Variants in CDH9 observed in about 807,000 individuals in gnomAD.
CDH9 encodes cadherin-9.
Under a neutral mutation model 70.9 loss-of-function variants are expected in CDH9, and 28 were observed. The ratio of observed to expected loss-of-function variants is 0.40; its 90% CI spans 0.29 to 0.54. The LOEUF (loss-of-function observed/expected upper bound fraction) is 0.54, where lower values mean the gene tolerates loss of function less well. Among genes scored for constraint, CDH9 ranks in the 20% least tolerant of loss-of-function variants. The pLI, the probability that CDH9 is intolerant of heterozygous loss-of-function variation, is 0.59. For synonymous variants in CDH9, 409 were observed against 343.1 expected (o/e 1.19, Z -2.12); for missense variants, 874 against 984.4 (o/e 0.89, Z 1.50).
chr5:27,017,575 G>A (rs1404085432), intron 1 of CDH9, among the ~76,000 whole-genome samples: 2 of 151,662 alleles, frequency 1.3e-5, no homozygotes, highest in Non-Finnish European at 2.9e-5. Context: ...TAGTTCTTTA[G>A]TGTTTGTGTT....
At chr5:27,008,585 T>C (rs1052104762) in intron 1 of CDH9, among the ~76,000 whole-genome samples, 1 of 152,142 alleles carries the variant, frequency 6.6e-6, no homozygotes, top group Admixed American at 6.5e-5. Context: ...AATTATTGAT[T>C]AGGTCACAAT....
intron 2 of CDH9, among the ~76,000 whole-genome samples, chr5:26,917,361 C>T (rs1010440599): frequency 2.0e-5 from 3 of 151,616 alleles, no homozygotes; most frequent in African/African-American, 7.3e-5. Context: ...GTCTTTTGCC[C>T]TGCATGGTGA....
At chr5:26,937,843 G>A (rs1741586620) in intron 2 of CDH9, among the ~76,000 whole-genome samples, 3 of 151,928 alleles carry the variant, frequency 2.0e-5, no homozygotes, top group Non-Finnish European at 2.9e-5. Context: ...GGAATAGATG[G>A]GGTACAGGGG....
At chr5:26,913,757 T>TTGTGTGTGTG (rs5866811) in intron 3 of CDH9, among the ~76,000 whole-genome samples, 2 of 145,446 alleles carry the variant, frequency 1.4e-5, no homozygotes, top group African/African-American at 5.1e-5. Flanking sequence ...ACATATATGT[T>TTGTGTGTGTG]TGTGTGTGTG....
At chr5:26,965,653 GA>G (rs1456515993) in intron 2 of CDH9, among the ~76,000 whole-genome samples, 2 of 150,876 alleles carry the variant, frequency 1.3e-5, no homozygotes, top group Non-Finnish European at 3.0e-5. Flanking sequence ...TTATGAACAG[GA>G]AACAAAAATT....
intron 2 of CDH9, among the ~76,000 whole-genome samples, chr5:26,921,337 G>A (rs1341712073): frequency 6.6e-6 from 1 of 152,242 alleles, no homozygotes; most frequent in East Asian, 1.9e-4. Context: ...ATTCCTAAGA[G>A]ATACCAAGGC....
intron 7 of CDH9, among the ~76,000 whole-genome samples, chr5:26,896,860 A>T (rs894175609): frequency 6.6e-6 from 1 of 152,014 alleles, no homozygotes; most frequent in Non-Finnish European, 1.5e-5. Flanking sequence ...AAAACCCTCA[A>T]AAAAATCAAT....
intron 4 of CDH9, 62 bp from the exon 5 acceptor site, chr5:26,906,188 A>T: frequency 7.1e-7 from 1 of 1,406,972 alleles, no homozygotes; most frequent in East Asian, 2.3e-5. Context: ...ATTAAGCTAG[A>T]CAAGACTCAT....
intron 2 of CDH9, among the ~76,000 whole-genome samples, chr5:26,963,442 G>T (rs963573410): frequency 1.3e-4 from 19 of 151,932 alleles, no homozygotes; most frequent in Non-Finnish European, 2.4e-4. Flanking sequence ...TATCTGTTTT[G>T]GTTTATGATG....
intron 2 of CDH9, among the ~76,000 whole-genome samples, chr5:26,959,769 G>T (rs999954887): frequency 2.0e-5 from 3 of 151,972 alleles, no homozygotes; most frequent in African/African-American, 7.2e-5. Flanking sequence ...CCTAATGTAT[G>T]ATTTTTTTAT....
intron 2 of CDH9, among the ~76,000 whole-genome samples, chr5:26,978,382 A>C (rs1189406895): frequency 6.6e-6 from 1 of 151,836 alleles, no homozygotes; most frequent in Non-Finnish European, 1.5e-5. Context: ...AATTATAATA[A>C]CTGAATTAAA....
At chr5:27,016,989 G>T (rs1410716219) in intron 1 of CDH9, among the ~76,000 whole-genome samples, 1 of 151,812 alleles carries the variant, frequency 6.6e-6, no homozygotes, top group African/African-American at 2.4e-5. Context: ...AATATCACAA[G>T]CTTCAAGTTT....
At chr5:27,023,410 C>G (rs1345234209) in intron 1 of CDH9, among the ~76,000 whole-genome samples, 1 of 151,954 alleles carries the variant, frequency 6.6e-6, no homozygotes, top group Non-Finnish European at 1.5e-5. Flanking sequence ...CTGTTTGTTA[C>G]TTATGCTTAA....
chr5:26,924,698 C>T (rs998474376), intron 2 of CDH9, among the ~76,000 whole-genome samples: 44 of 152,066 alleles, frequency 2.9e-4, no homozygotes, highest in African/African-American at 9.4e-4. Context: ...TCTATTCCTA[C>T]CCCAGCCGCC....
chr5:26,942,690 T>C (rs780611208), intron 2 of CDH9, among the ~76,000 whole-genome samples: 7 of 152,200 alleles, frequency 4.6e-5, no homozygotes, highest in Non-Finnish European at 8.8e-5. Context: ...GGTGGCATCC[T>C]GAGTCATTTT....
At chr5:26,946,835 AT>A (rs1741762571) in intron 2 of CDH9, among the ~76,000 whole-genome samples, 1 of 152,172 alleles carries the variant, frequency 6.6e-6, no homozygotes, top group Non-Finnish European at 1.5e-5. Context: ...TAGGTCAAAA[AT>A]AAATGACTAC....
chr5:26,979,616 T>C, intron 2 of CDH9, among the ~76,000 whole-genome samples: 1 of 151,756 alleles, frequency 6.6e-6, no homozygotes, highest in Admixed American at 6.6e-5. Flanking sequence ...ATAAACCAAC[T>C]CTGAGCCCTT....
intron 9 of CDH9, among the ~76,000 whole-genome samples, chr5:26,888,600 A>C (rs926749290): frequency 1.3e-5 from 2 of 152,218 alleles, no homozygotes; most frequent in Non-Finnish European, 2.9e-5. Flanking sequence ...TTACAAATAA[A>C]AATCTCATTT....
chr5:26,936,080 G>T (rs1369768262), intron 2 of CDH9, among the ~76,000 whole-genome samples: 1 of 151,324 alleles, frequency 6.6e-6, no homozygotes, highest in Non-Finnish European at 1.5e-5. Flanking sequence ...TGATATAATG[G>T]ACTTTGAGGA....
Sources: allele counts gnomAD v4.1 joint callset (sites outside exome capture counted in the v4.1 genomes callset), GRCh38; gene constraint gnomAD v4.1.1; transcripts MANE v1.5; gene names NCBI Gene and HGNC (gene_info 2026-07-23, HGNC 2026-07-21).